Variants in GCFC2 observed in about 807,000 individuals in gnomAD.
GCFC2 encodes GC-rich sequence DNA-binding factor 2, also known as intron Large complex component GCFC2.
Under a neutral mutation model 99.4 loss-of-function variants are expected in GCFC2, and 102 were observed. That is an observed-to-expected ratio of 1.03 (90% confidence interval 0.87 to 1.21). The LOEUF (loss-of-function observed/expected upper bound fraction) is 1.21. Ranked by LOEUF, GCFC2 falls within the 50% of genes most tolerant of loss-of-function variation. The pLI is 0.00. For synonymous variants in GCFC2, 338 were observed against 316.8 expected, an observed-to-expected ratio of 1.07 and a Z score of -0.71; for missense variants, 973 against 920.9, an observed-to-expected ratio of 1.06 and a Z score of -0.73.
chr2:75,678,364 G>T (rs1392053276), intron 12 of GCFC2, among the ~76,000 whole-genome samples: 1 of 152,076 alleles, frequency 6.6e-6, no homozygotes, highest in African/African-American at 2.4e-5. Context: ...GCATCTCTCT[G>T]TACATCTTTC....
At chr2:75,686,468 C>T (rs2104317466) in intron 11 of GCFC2, among the ~76,000 whole-genome samples, 1 of 152,180 alleles carries the variant, frequency 6.6e-6, no homozygotes, top group Middle Eastern at 3.4e-3. Context: ...CTAGGCTGGG[C>T]ATGGTGACTC....
chr2:75,675,838 C>T (rs931115069), intron 12 of GCFC2, among the ~76,000 whole-genome samples: 7 of 150,442 alleles, frequency 4.7e-5, no homozygotes, highest in African/African-American at 1.7e-4. Flanking sequence ...TATTAAATAA[C>T]ATCATTTGTT....
At position 75,666,030 on chromosome 2, in the gene GCFC2, T is replaced by C. The variant is rs572775709; in HGVS notation, c.2127A>G (p.Lys709=). 57 of 1,606,026 alleles carry C rather than the reference T, an allele frequency of 3.5e-5. 1 individual carries two copies. In the South Asian group the frequency reaches 5.9e-4, roughly 17 times the overall value. ...TCCTCATGGCAGAATTTTCAAACCA[T>C]TTTTCTGGTAGACATGCTGCTACCT... The part of the protein sequence containing the change: ...CNQVAACLPE[K]WFENSAMRTS... The change falls in exon 16 of 17, where the codon AAA becomes AAG. Residue 709 remains lysine, a synonymous_variant. Transcript: ENST00000321027.
At chr2:75,675,546 C>T (rs546003182) in intron 12 of GCFC2, among the ~76,000 whole-genome samples, 33 of 152,012 alleles carry the variant, frequency 2.2e-4, no homozygotes, top group Non-Finnish European at 1.9e-4. Context: ...AGTTTGAGAC[C>T]AGCCTGGCCA....
chr2:75,698,500 G>T (rs572594985), intron 4 of GCFC2, among the ~76,000 whole-genome samples: 125 of 152,216 alleles, frequency 8.2e-4, no homozygotes, highest in Non-Finnish European at 1.5e-3. Flanking sequence ...AAAATCAGTT[G>T]TTATAACGAT....
At chr2:75,711,192 A>G, upstream of GCFC2, 3 of 985,298 alleles carry the variant, frequency 3.0e-6, no homozygotes, top group Non-Finnish European at 3.6e-6. Flanking sequence ...CCCCATCCAG[A>G]AATCAAGCGT....
Position 75,663,577 on chromosome 2 carries a change from G to A in GCFC2, c.*1089C>T, listed in dbSNP as rs963262628. The A allele has an allele frequency of 1.3e-5, 2 of 152,070 alleles. No homozygotes were observed. The highest frequency in any genetic ancestry group is 4.8e-5 in the African/African-American group (2 of 41,410). The allele number at this position is 152,070 out of a possible 1,614,324, so 9.4% of individuals were successfully genotyped here. The stretch of plus-strand genomic sequence containing the variant: ...AAAACATCAACAAATTTAAAAGAAA[G>A]GCCAAACATGGTTGCTCAAGCCTGT... On this transcript the variant is annotated 3_prime_UTR_variant, in exon 17 of 17. Coordinates refer to ENST00000321027, the MANE Select transcript of GCFC2 (RefSeq NM_003203.5).
chr2:75,665,600 T>G (rs1678802174), intron 16 of GCFC2, among the ~76,000 whole-genome samples: 1 of 152,218 alleles, frequency 6.6e-6, no homozygotes, highest in Non-Finnish European at 1.5e-5. Flanking sequence ...AGACCTGTAC[T>G]TAACAACTGT....
chr2:75,677,401 T>G (rs1472064596), intron 12 of GCFC2, among the ~76,000 whole-genome samples: 1 of 152,206 alleles, frequency 6.6e-6, no homozygotes. Context: ...CATTATATAG[T>G]GTAAGTGATT....
chr2:75,670,328 G>T (rs1679041206), intron 14 of GCFC2, 44 bp from the exon 15 acceptor site: 1 of 1,354,778 alleles, frequency 7.4e-7, no homozygotes. Flanking sequence ...TCTCCAAAGA[G>T]AAACTGTAAT....
chr2:75,696,239 G>T lies in GCFC2; in HGVS notation c.794C>A (p.Pro265Gln), dbSNP rs1346312730. ...CTTCTTTATAATTTCTAAATTTACT[G>T]GCGGAAATGAAATGGAAGTATCAAA... ...KKFDTSISFP[P>Q]VNLEIIKKQL... The change falls in exon 5 of 17, where the codon CCA (proline) becomes CAA (glutamine). Residue 265 changes from proline (P) to glutamine (Q), a missense_variant. Coordinates refer to ENST00000321027, the MANE Select transcript of GCFC2 (RefSeq NM_003203.5). The T allele has an allele frequency of 6.8e-7, 1 of 1,475,184 alleles. No individual in the cohort carries two copies. Among genetic ancestry groups the T allele is most frequent in the Non-Finnish European group, 9.5e-7 (1 of 1,054,978 alleles). The allele number at this position is 1,475,184 out of a possible 1,614,324, so 91.4% of individuals were successfully genotyped here.
chr2:75,676,922 ATT>A (rs915364288), intron 12 of GCFC2, among the ~76,000 whole-genome samples: 2 of 152,162 alleles, frequency 1.3e-5, no homozygotes, highest in Non-Finnish European at 2.9e-5. Flanking sequence ...ATTAGTATGT[ATT>A]TTAACTCCTT....
chr2:75,693,836 C>A (rs1009326923), intron 6 of GCFC2, among the ~76,000 whole-genome samples: 1 of 151,876 alleles, frequency 6.6e-6, no homozygotes, highest in Non-Finnish European at 1.5e-5. Flanking sequence ...TGCTTGAGAT[C>A]AAAATATGAT....
intron 11 of GCFC2, among the ~76,000 whole-genome samples, chr2:75,683,980 A>C (rs1437209780): frequency 6.6e-6 from 1 of 152,110 alleles, no homozygotes; most frequent in Non-Finnish European, 1.5e-5. Context: ...TTCATAAAGC[A>C]AGTTCTTAGA....
In GCFC2 at chr2:75,710,677, C is replaced by T; in HGVS notation, c.179G>A (p.Arg60Gln). ...GCCCCGGCCACGAGGGCCCCGAACCCGGTGGGGCAGTCCCGCCACCTGCGC... is the reference window on the plus strand; with the variant it reads ...GCCCCGGCCACGAGGGCCCCGAACCTGGTGGGGCAGTCCCGCCACCTGCGC... Reference protein sequence around the residue: ...GRAQVAGLPHRVRGPRGRGRV... With the variant: ...GRAQVAGLPHQVRGPRGRGRV... The change falls in exon 1 of 17, where the codon CGG becomes CAG. Residue 60 changes from arginine to glutamine, a missense_variant. Arg to Gln is a conservative substitution (Grantham distance 43, BLOSUM62 1). Coordinates refer to ENST00000321027, the MANE Select transcript of GCFC2 (RefSeq NM_003203.5). The T allele has an allele frequency of 6.6e-7, 1 of 1,524,114 alleles. No individual in the cohort carries two copies. Among genetic ancestry groups the T allele is most frequent in the South Asian group, 1.2e-5 (1 of 82,658 alleles). 94.4% of individuals were successfully genotyped at this position (1,524,114 alleles called of 1,614,324 possible).
chr2:75,678,767 G>A (rs1446693294), intron 12 of GCFC2, among the ~76,000 whole-genome samples: 2 of 152,200 alleles, frequency 1.3e-5, no homozygotes, highest in Non-Finnish European at 2.9e-5. Flanking sequence ...ATCCTTTTAA[G>A]AGACAGGGTT....
At chr2:75,665,592 A>G (rs994833292) in intron 16 of GCFC2, among the ~76,000 whole-genome samples, 1 of 152,238 alleles carries the variant, frequency 6.6e-6, no homozygotes, top group Admixed American at 6.5e-5. Flanking sequence ...CAAGCTGGAG[A>G]CCTGTACTTA....
intron 11 of GCFC2, among the ~76,000 whole-genome samples, chr2:75,686,681 C>G (rs1305154300): frequency 6.6e-6 from 1 of 152,126 alleles, no homozygotes; most frequent in East Asian, 1.9e-4. Flanking sequence ...GAATTCAAGA[C>G]TGACTTGAGC....
intron 12 of GCFC2, chr2:75,679,759 CG>C: frequency 2.5e-6 from 1 of 398,628 alleles, no homozygotes; most frequent in Non-Finnish European, 4.4e-6. Flanking sequence ...GAATTTATAC[CG>C]GTTCATCTCT....
Sources: allele counts gnomAD v4.1 joint callset (sites outside exome capture counted in the v4.1 genomes callset), GRCh38; gene constraint gnomAD v4.1.1; transcripts MANE v1.5; gene names NCBI Gene and HGNC (gene_info 2026-07-23, HGNC 2026-07-21).